Variants in SDK1 observed in about 807,000 individuals in gnomAD.
SDK1 encodes sidekick cell adhesion molecule 1, also known as protein sidekick-1.
Under a neutral mutation model 245.5 loss-of-function variants are expected in SDK1, and 157 were observed. The observed-to-expected ratio is 0.64, with a 90% CI of 0.56 to 0.73. The LOEUF (loss-of-function observed/expected upper bound fraction) is 0.73, where lower values mean the gene tolerates loss of function less well. SDK1 is among the 30% of genes least tolerant of loss of function. SDK1 has a pLI of 0.00. For missense variants in SDK1, 3,583 were observed against 3,002.3 expected, an observed-to-expected ratio of 1.19 and a Z score of -4.52; for synonymous variants, 1,647 against 1,278.5, an observed-to-expected ratio of 1.29 and a Z score of -6.15.
chr7:3,517,021 T>C (rs1443034788), intron 1 of SDK1, among the ~76,000 whole-genome samples: 1 of 152,188 alleles, frequency 6.6e-6, no homozygotes, highest in Non-Finnish European at 1.5e-5. Context: ...TCTCAGAAGA[T>C]TAGGGTTATA....
At chr7:3,556,633 G>A (rs896639067) in intron 1 of SDK1, among the ~76,000 whole-genome samples, 4 of 152,002 alleles carry the variant, frequency 2.6e-5, no homozygotes, top group South Asian at 4.2e-4. Flanking sequence ...CCAGTCTGGC[G>A]AACCTGGTGA....
intron 4 of SDK1, among the ~76,000 whole-genome samples, chr7:3,693,539 C>T (rs934403519): frequency 6.6e-6 from 1 of 152,158 alleles, no homozygotes; most frequent in African/African-American, 2.4e-5. Context: ...TTCTTTGTAT[C>T]TTCCTGTGAC....
At chr7:4,214,104 T>C (rs1584461517) in intron 38 of SDK1, among the ~76,000 whole-genome samples, 1 of 152,304 alleles carries the variant, frequency 6.6e-6, no homozygotes, top group East Asian at 1.9e-4. Flanking sequence ...ACAAAGACAT[T>C]TGCCCAAGGC....
chr7:3,845,316 C>A (rs1780248760), intron 5 of SDK1, among the ~76,000 whole-genome samples: 1 of 151,832 alleles, frequency 6.6e-6, no homozygotes, highest in Non-Finnish European at 1.5e-5. Flanking sequence ...ATGGGGAAAC[C>A]CTGTCTCTAC....
intron 1 of SDK1, among the ~76,000 whole-genome samples, chr7:3,573,953 A>G (rs916792456): frequency 6.6e-6 from 1 of 152,000 alleles, no homozygotes; most frequent in Non-Finnish European, 1.5e-5. Context: ...CATTTACTGA[A>G]TGCTTACTAA....
At chr7:3,881,308 G>A (rs75782536) in intron 5 of SDK1, among the ~76,000 whole-genome samples, 2,377 of 152,166 alleles carry the variant, frequency 0.016, 75 homozygotes, top group African/African-American at 0.055. Flanking sequence ...ATGTGTCCAT[G>A]TATTCTCATC....
intron 4 of SDK1, among the ~76,000 whole-genome samples, chr7:3,804,512 C>G (rs1779191650): frequency 6.6e-6 from 1 of 152,198 alleles, no homozygotes; most frequent in South Asian, 2.1e-4. Flanking sequence ...ATTCCTCCCA[C>G]TTTTTGCTTC....
chr7:3,783,606 T>A (rs1780815448), intron 4 of SDK1, among the ~76,000 whole-genome samples: 3 of 152,134 alleles, frequency 2.0e-5, no homozygotes, highest in Admixed American at 2.0e-4. Context: ...AAGGGAACAA[T>A]TTCATTTACA....
chr7:3,409,196 G>C (rs1435535694), intron 1 of SDK1, among the ~76,000 whole-genome samples: 1 of 152,032 alleles, frequency 6.6e-6, no homozygotes, highest in African/African-American at 2.4e-5. Context: ...TTTCATGTTG[G>C]TGTTTCTACA....
chr7:3,779,886 T>C (rs1429085205), intron 4 of SDK1, among the ~76,000 whole-genome samples: 1 of 145,862 alleles, frequency 6.9e-6, no homozygotes, highest in African/African-American at 2.6e-5. Context: ...GAGCCGAGAT[T>C]GCACCACTGC....
chr7:3,723,292 T>C (rs1041454647), intron 4 of SDK1, among the ~76,000 whole-genome samples: 2 of 152,176 alleles, frequency 1.3e-5, no homozygotes, highest in African/African-American at 4.8e-5. Context: ...ATTCGTATGA[T>C]TACCATAGAA....
rs1233644401 is a variant in SDK1 at position 3,303,703 on chromosome 7, T to A, written c.298+1819T>A. ...TAGGTTGTCACAAATTTTAAGTTCA[T>A]TGACGGGTTTCTGTTCTCTTTGCTC... On this transcript the variant is annotated intron_variant, in intron 1 of 44. Transcript: ENST00000404826. Among the ~76,000 whole-genome samples, 4 of 152,368 alleles carry A rather than the reference T, an allele frequency of 2.6e-5. No individual in the cohort carries two copies. In the East Asian group the frequency reaches 7.7e-4, roughly 29 times the overall value.
At chr7:4,262,709 C>G (rs1380827891) in intron 44 of SDK1, among the ~76,000 whole-genome samples, 1 of 139,790 alleles carries the variant, frequency 7.2e-6, no homozygotes, top group Non-Finnish European at 1.6e-5. Flanking sequence ...CCCTCATCAC[C>G]TCCCCCATCC....
chr7:3,712,247 T>A (rs1222990441), intron 4 of SDK1, among the ~76,000 whole-genome samples: 1 of 152,160 alleles, frequency 6.6e-6, no homozygotes. Context: ...AGTGGCAGCA[T>A]ATGATTCTCA....
intron 1 of SDK1, among the ~76,000 whole-genome samples, chr7:3,341,916 C>G (rs1400843961): frequency 6.6e-6 from 1 of 152,064 alleles, no homozygotes; most frequent in Non-Finnish European, 1.5e-5. Flanking sequence ...TTGGTAGATA[C>G]ATAAAAAGGT....
intron 33 of SDK1, among the ~76,000 whole-genome samples, chr7:4,175,260 G>C (rs1782123402): frequency 6.6e-6 from 1 of 152,218 alleles, no homozygotes; most frequent in Admixed American, 6.5e-5. Flanking sequence ...CCCCAAAGGT[G>C]GCCCTTGCTG....
chr7:4,059,597 C>G (rs1412280460), intron 19 of SDK1, among the ~76,000 whole-genome samples: 1 of 152,192 alleles, frequency 6.6e-6, no homozygotes, highest in African/African-American at 2.4e-5. Context: ...ATGGACCTAA[C>G]AGACATTTAC....
intron 2 of SDK1, among the ~76,000 whole-genome samples, chr7:3,624,921 T>G (rs1782067165): frequency 6.6e-6 from 1 of 152,040 alleles, no homozygotes; most frequent in Non-Finnish European, 1.5e-5. Flanking sequence ...GGTGCATGCC[T>G]GTAATCCCAG....
intron 4 of SDK1, among the ~76,000 whole-genome samples, chr7:3,699,231 C>G (rs1457203291): frequency 6.6e-6 from 1 of 152,128 alleles, no homozygotes; most frequent in Admixed American, 6.5e-5. Flanking sequence ...AATCATTGAT[C>G]ATAACAAGAA....
Sources: gnomAD v4.1 joint callset for allele counts (sites outside exome capture counted in the v4.1 genomes callset) on GRCh38, gnomAD v4.1.1 for gene constraint, MANE v1.5 for transcripts, NCBI Gene and HGNC (gene_info 2026-07-23, HGNC 2026-07-21) for gene names.